The following CMIP variants were observed in gnomAD, a reference collection of about 807,000 sequenced individuals.
CMIP encodes the protein c-Maf inducing protein.
In CMIP, 13 loss-of-function variants were observed where a neutral mutation model predicts 97.3. The ratio of observed to expected loss-of-function variants is 0.13; its 90% CI spans 0.09 to 0.21. The LOEUF (loss-of-function observed/expected upper bound fraction) is 0.21. Among genes scored for constraint, CMIP ranks in the 10% least tolerant of loss-of-function variants. CMIP has a pLI of 1.00. For synonymous variants in CMIP, 538 were observed against 436.3 expected (o/e 1.23, Z -2.91); for missense variants, 847 against 1,024.9 (o/e 0.83, Z 2.37).
rs181552398 is a variant in CMIP at position 81,653,945 on chromosome 16, A to G, written c.639+1581A>G. Among the ~76,000 whole-genome samples, 4 of 152,246 alleles carry G rather than the reference A, an allele frequency of 2.6e-5. No individual in the cohort carries two copies. In the East Asian group the frequency reaches 5.8e-4, roughly 22 times the overall value. ...GGGCCTTTCTGTCTTCACTTCACAGATGAGGAAATTGAGGCCCAGTGATAC... is the reference window on the plus strand; with the variant it reads ...GGGCCTTTCTGTCTTCACTTCACAGGTGAGGAAATTGAGGCCCAGTGATAC... On this transcript the variant is annotated intron_variant, in intron 4 of 20. Coordinates refer to ENST00000537098, the MANE Select transcript of CMIP (RefSeq NM_198390.3).
chr16:81,686,119 C>T (rs538054753), intron 10 of CMIP, among the ~76,000 whole-genome samples: 1 of 152,198 alleles, frequency 6.6e-6, no homozygotes, highest in Admixed American at 6.5e-5. Context: ...CATGGGCTGA[C>T]GCATGGGAGC....
At chr16:81,666,300 C>A (rs974238409) in intron 7 of CMIP, 1 of 152,176 alleles carries the variant, frequency 6.6e-6, no homozygotes, top group Non-Finnish European at 1.5e-5. Flanking sequence ...CAGAGCCACA[C>A]CCCCGGGACA....
intron 1 of CMIP, among the ~76,000 whole-genome samples, chr16:81,497,866 G>T (rs1453728283): frequency 6.6e-6 from 1 of 152,254 alleles, no homozygotes; most frequent in Non-Finnish European, 1.5e-5. Flanking sequence ...TGCAGCGTGG[G>T]CTCCTGGGTC....
intron 1 of CMIP, chr16:81,464,561 A>C (rs986283579): frequency 7.9e-5 from 12 of 152,208 alleles, no homozygotes; most frequent in Admixed American, 7.9e-4. Context: ...AGGTTTTAAA[A>C]AAATTTTTTT....
intron 1 of CMIP, among the ~76,000 whole-genome samples, chr16:81,551,925 T>C (rs2090666182): frequency 6.6e-6 from 1 of 152,218 alleles, no homozygotes; most frequent in Non-Finnish European, 1.5e-5. Flanking sequence ...GAAACAACTT[T>C]GTTCTTGCTC....
chr16:81,507,504 C>T (rs770568570), intron 1 of CMIP, among the ~76,000 whole-genome samples: 4 of 152,164 alleles, frequency 2.6e-5, no homozygotes, highest in Non-Finnish European at 5.9e-5. Context: ...GAACATGGCT[C>T]ATCTTCTTGG....
At chr16:81,630,745 A>G (rs539295113) in intron 3 of CMIP, 1 of 152,290 alleles carries the variant, frequency 6.6e-6, no homozygotes, top group African/African-American at 2.4e-5. Flanking sequence ...AATTCTATCC[A>G]GATTAATTTC....
At chr16:81,703,633 G>A (rs548358755) in intron 17 of CMIP, among the ~76,000 whole-genome samples, 24 of 151,620 alleles carry the variant, frequency 1.6e-4, no homozygotes, top group African/African-American at 5.3e-4. Context: ...ACACACAGAC[G>A]CCTGTGGGAG....
chr16:81,680,695 C>T (rs972462673), intron 10 of CMIP, among the ~76,000 whole-genome samples: 1 of 152,218 alleles, frequency 6.6e-6, no homozygotes, highest in African/African-American at 2.4e-5. Flanking sequence ...GTCTTCAAGG[C>T]AGAGAAGGGT....
At chr16:81,486,046 G>C (rs1384503780) in intron 1 of CMIP, among the ~76,000 whole-genome samples, 2 of 152,268 alleles carry the variant, frequency 1.3e-5, no homozygotes, top group Non-Finnish European at 2.9e-5. Flanking sequence ...CACCCGGCCT[G>C]ACAGGCAGAG....
chr16:81,707,747 C>T (rs1281733123), intron 20 of CMIP, among the ~76,000 whole-genome samples: 1 of 152,248 alleles, frequency 6.6e-6, no homozygotes, highest in East Asian at 1.9e-4. Context: ...GCCAGGCCCT[C>T]AGTCGCCTCC....
chr16:81,481,417 T>A (rs1175836444), intron 1 of CMIP, among the ~76,000 whole-genome samples: 4 of 152,214 alleles, frequency 2.6e-5, no homozygotes, highest in Non-Finnish European at 5.9e-5. Flanking sequence ...TTCCCAACGT[T>A]ACACAGCTTG....
intron 1 of CMIP, among the ~76,000 whole-genome samples, chr16:81,559,009 C>T (rs944536404): frequency 3.9e-5 from 6 of 152,182 alleles, no homozygotes; most frequent in Non-Finnish European, 7.4e-5. Flanking sequence ...TCCGCATTAC[C>T]CCGTGTTTGT....
intron 1 of CMIP, among the ~76,000 whole-genome samples, chr16:81,451,955 G>C (rs1344055125): frequency 6.6e-6 from 1 of 152,236 alleles, no homozygotes; most frequent in Non-Finnish European, 1.5e-5. Flanking sequence ...TGCGCATTTT[G>C]AAAGGAAGCT....
chr16:81,639,488 C>T (rs2092278152), intron 3 of CMIP, among the ~76,000 whole-genome samples: 1 of 152,190 alleles, frequency 6.6e-6, no homozygotes, highest in South Asian at 2.1e-4. Context: ...ACCTCATATG[C>T]GTGGAATCAC....
At chr16:81,505,731 C>T (rs975210379) in intron 1 of CMIP, among the ~76,000 whole-genome samples, 9 of 152,232 alleles carry the variant, frequency 5.9e-5, no homozygotes, top group African/African-American at 2.2e-4. Context: ...TGGCTCATGC[C>T]TGTAATCCCA....
intron 6 of CMIP, among the ~76,000 whole-genome samples, chr16:81,662,597 C>T (rs895200644): frequency 6.6e-6 from 1 of 152,206 alleles, no homozygotes; most frequent in East Asian, 1.9e-4. Context: ...CTCTGCCAAA[C>T]TCCTGCCAAA....
At chr16:81,474,856 T>TGG (rs1567533821) in intron 1 of CMIP, among the ~76,000 whole-genome samples, 2 of 151,760 alleles carry the variant, frequency 1.3e-5, no homozygotes, top group African/African-American at 4.8e-5. Flanking sequence ...CCTCCAGCCA[T>TGG]GGGGGGCGGG....
intron 2 of CMIP, among the ~76,000 whole-genome samples, chr16:81,618,260 G>A (rs919433090): frequency 2.0e-5 from 3 of 152,142 alleles, no homozygotes; most frequent in African/African-American, 4.8e-5. Flanking sequence ...GGGAGAATTC[G>A]TTTCCAGCTT....
Sources: allele counts gnomAD v4.1 joint callset (sites outside exome capture counted in the v4.1 genomes callset), GRCh38; gene constraint gnomAD v4.1.1; transcripts MANE v1.5; gene names NCBI Gene and HGNC (gene_info 2026-07-23, HGNC 2026-07-21).